TTLL7: variants seen among roughly 807,000 people sequenced by gnomAD.
TTLL7 encodes tubulin polyglutamylase TTLL7.
Under a neutral mutation model 120.2 loss-of-function variants are expected in TTLL7, and 53 were observed. The observed-to-expected ratio is 0.44, with a 90% CI of 0.35 to 0.55. The LOEUF (loss-of-function observed/expected upper bound fraction) is 0.55. Ranked by LOEUF, TTLL7 falls within the 20% of genes least tolerant of loss-of-function variation. The pLI is 0.00. For missense variants in TTLL7, 803 were observed against 1,054.7 expected (o/e 0.76, Z 3.31); for synonymous variants, 353 against 351.7 (o/e 1.00, Z -0.04).
intron 1 of TTLL7, among the ~76,000 whole-genome samples, chr1:83,967,889 G>A (rs1650623749): frequency 6.6e-6 from 1 of 151,804 alleles, no homozygotes. Flanking sequence ...AAAGAGTCAA[G>A]AATAATAATT....
Position 83,884,149 on chromosome 1 carries a change from AGAGAGAGG to A in TTLL7, c.2370-1021_2370-1014del, listed in dbSNP as rs144109484. On this transcript the variant is annotated intron_variant, in intron 19 of 20. Transcript: ENST00000260505. ...AGTAGGGAGGGAGGGAGAGAGAGAG[AGAGAGAGG>A]GAGAGAGAGAGAGAGATTTATTCCT... Among the ~76,000 whole-genome samples the A allele has an allele frequency of 7.3e-3, 1,110 of 151,828 alleles. 11 individuals are homozygous for A. The highest frequency in any genetic ancestry group is 0.025 in the African/African-American group (1,053 of 41,442).
chr1:83,990,825 T>A (rs1383637813), intron 1 of TTLL7, among the ~76,000 whole-genome samples: 1 of 152,174 alleles, frequency 6.6e-6, no homozygotes, highest in Non-Finnish European at 1.5e-5. Context: ...TACCATATAC[T>A]CCAGCAATTT....
intron 9 of TTLL7, among the ~76,000 whole-genome samples, chr1:83,931,483 C>T (rs184968754): frequency 2.0e-5 from 3 of 152,028 alleles, no homozygotes; most frequent in East Asian, 1.9e-4. Flanking sequence ...TTTAACTCTC[C>T]GATACACACA....
chr1:83,909,269 C>CTTTTTTTTTTTTTTTTTTTTTTTTTTCT (rs71582911), intron 15 of TTLL7, among the ~76,000 whole-genome samples: 1 of 99,296 alleles, frequency 1.0e-5, no homozygotes, highest in Admixed American at 1.4e-4. Flanking sequence ...TTTTTTTTTC[C>CTTTTTTTTTTTTTTTTTTTTTTTTTTCT]TTTTTTTTTT....
intron 18 of TTLL7, chr1:83,902,355 T>G (rs1656794397): frequency 6.6e-6 from 1 of 151,986 alleles, no homozygotes; most frequent in African/African-American, 2.4e-5. Context: ...GTAGTAACTG[T>G]GGTGTTTTGC....
chr1:83,880,417 C>T, intron 20 of TTLL7: 1 of 151,888 alleles, frequency 6.6e-6, no homozygotes, highest in East Asian at 1.9e-4. Context: ...TTAATACTTT[C>T]TATTAAAAAT....
At chr1:83,912,560 G>A (rs1657770985) in intron 14 of TTLL7, 1 of 152,094 alleles carries the variant, frequency 6.6e-6, no homozygotes, top group Non-Finnish European at 1.5e-5. Flanking sequence ...GAAATCCTTG[G>A]ATAGCATGGG....
At chr1:83,924,640 G>A (rs1402190159) in intron 10 of TTLL7, among the ~76,000 whole-genome samples, 1 of 152,172 alleles carries the variant, frequency 6.6e-6, no homozygotes, top group Non-Finnish European at 1.5e-5. Context: ...TCCAGAGATG[G>A]ATGGTGGTGA....
chr1:83,903,928 T>A, intron 18 of TTLL7, 151 bp downstream of exon 18: 1 of 649,468 alleles, frequency 1.5e-6, no homozygotes, highest in South Asian at 1.8e-5. Flanking sequence ...CCTAGAAGAG[T>A]GCCTGACACA....
At chr1:83,881,782 T>C (rs1383707765) in intron 20 of TTLL7, among the ~76,000 whole-genome samples, 1 of 150,720 alleles carries the variant, frequency 6.6e-6, no homozygotes, top group Non-Finnish European at 1.5e-5. Flanking sequence ...TAAAGACACA[T>C]GCACACGTAT....
rs1017590801 is a variant in TTLL7 at position 83,869,948 on chromosome 1, T to C, written c.*14A>G. The C allele has an allele frequency of 1.9e-6, 3 of 1,594,464 alleles. No homozygotes were observed. The East Asian group carries it at 6.8e-5, about 36-fold the overall frequency. On this transcript the variant is annotated 3_prime_UTR_variant, in exon 21 of 21. Transcript: ENST00000260505. Reference sequence around the variant, plus strand: ...TGCTGTTATGTATAACCAATGGCGATCTTCCCTTCTGTTTCACAGATGGCC... The same window carrying C: ...TGCTGTTATGTATAACCAATGGCGACCTTCCCTTCTGTTTCACAGATGGCC...
chr1:83,969,861 G>T (rs1016050193), intron 1 of TTLL7, among the ~76,000 whole-genome samples: 1 of 151,864 alleles, frequency 6.6e-6, no homozygotes, highest in South Asian at 2.1e-4. Context: ...TTTGAACAAG[G>T]ATAAGAATGA....
At chr1:83,991,586 G>T (rs1257876219) in intron 1 of TTLL7, among the ~76,000 whole-genome samples, 1 of 152,162 alleles carries the variant, frequency 6.6e-6, no homozygotes, top group Non-Finnish European at 1.5e-5. Flanking sequence ...TAAGGCTGCA[G>T]TGAACCATTA....
chr1:83,941,056 T>G (rs1481967621), intron 7 of TTLL7, among the ~76,000 whole-genome samples: 16 of 152,116 alleles, frequency 1.1e-4, no homozygotes, highest in Admixed American at 1.0e-3. Flanking sequence ...CCATACTCTG[T>G]CTTACCTCTG....
intron 14 of TTLL7, among the ~76,000 whole-genome samples, chr1:83,915,375 AAAAC>A (rs1282704601): frequency 6.6e-6 from 1 of 152,214 alleles, no homozygotes; most frequent in Non-Finnish European, 1.5e-5. Flanking sequence ...AAACCTGACA[AAAAC>A]AAGAAATGGG....
intron 10 of TTLL7, 53 bp downstream of exon 10, chr1:83,929,083 A>T: frequency 8.6e-7 from 1 of 1,158,202 alleles, no homozygotes; most frequent in Non-Finnish European, 1.2e-6. Flanking sequence ...ACAAATGATT[A>T]ATCTATGTCA....
chr1:83,922,142 G>C (rs1658724214), intron 10 of TTLL7, among the ~76,000 whole-genome samples: 1 of 151,920 alleles, frequency 6.6e-6, no homozygotes, highest in Admixed American at 6.6e-5. Context: ...GACCTAGCAG[G>C]AACAGGGTGT....
intron 6 of TTLL7, among the ~76,000 whole-genome samples, 162 bp downstream of exon 6, chr1:83,946,961 GA>G (rs1011451539): frequency 1.3e-5 from 2 of 152,108 alleles, no homozygotes; most frequent in African/African-American, 2.4e-5. Flanking sequence ...GAGTTTAAAA[GA>G]ATAGAGATCA....
intron 3 of TTLL7, among the ~76,000 whole-genome samples, chr1:83,951,280 C>G (rs1468918195): frequency 1.3e-5 from 2 of 151,360 alleles, no homozygotes; most frequent in East Asian, 3.9e-4. Flanking sequence ...ACCCGGGAGA[C>G]GGAGCTTGCA....
Sources: gnomAD v4.1 joint callset for allele counts (sites outside exome capture counted in the v4.1 genomes callset) on GRCh38, gnomAD v4.1.1 for gene constraint, MANE v1.5 for transcripts, NCBI Gene and HGNC (gene_info 2026-07-23, HGNC 2026-07-21) for gene names.